Variants in FGF12 observed in about 807,000 individuals in gnomAD.
The protein encoded by FGF12 is fibroblast growth factor 12.
A neutral mutation model predicts 23.6 loss-of-function variants in FGF12; 14 were observed. The ratio of observed to expected loss-of-function variants is 0.59; its 90% CI spans 0.39 to 0.93. FGF12 has a LOEUF of 0.93. Ranked by LOEUF, FGF12 falls within the 40% of genes least tolerant of loss-of-function variation. The probability of loss-of-function intolerance (pLI) is 0.00; values close to 1 mark genes in which losing one functional copy is unlikely to be tolerated. For missense variants in FGF12, 175 were observed against 217.8 expected, an observed-to-expected ratio of 0.80 and a Z score of 1.24; for synonymous variants, 62 against 77.3, an observed-to-expected ratio of 0.80 and a Z score of 1.04.
intron 4 of FGF12, among the ~76,000 whole-genome samples, chr3:192,185,677 T>C (rs908032399): frequency 3.3e-5 from 5 of 151,946 alleles, no homozygotes; most frequent in African/African-American, 9.7e-5. Flanking sequence ...CTGGACAACA[T>C]GGTGAAACCC....
rs145866954 is a variant in FGF12 at position 192,211,115 on chromosome 3, A to G, written c.229-40459T>C. 1.2e-4 allele frequency among the ~76,000 whole-genome samples: 19 copies of G among 152,338 alleles called. No individual in the cohort carries two copies. The East Asian group carries it at 2.5e-3, about 20-fold the overall frequency. ...CCACCACTAAGGAGGATATTACAGT[A>G]TTCCAGAGGAGAAGGACTGAAAGCT... On this transcript the variant is annotated intron_variant, in intron 4 of 5. Transcript: ENST00000445105.
At chr3:192,571,657 G>T (rs868703192) in intron 2 of FGF12, among the ~76,000 whole-genome samples, 49 of 152,206 alleles carry the variant, frequency 3.2e-4, no homozygotes, top group African/African-American at 1.2e-3. Flanking sequence ...CCTGTGTCAA[G>T]GTTGCTCCCC....
intron 2 of FGF12, among the ~76,000 whole-genome samples, chr3:192,674,024 C>T (rs778674031): frequency 1.3e-5 from 2 of 151,004 alleles, no homozygotes; most frequent in Non-Finnish European, 3.0e-5. Flanking sequence ...AAAGTTATTG[C>T]TAAGTGTTTT....
At chr3:192,530,115 T>C (rs1725049497) in intron 2 of FGF12, among the ~76,000 whole-genome samples, 1 of 151,986 alleles carries the variant, frequency 6.6e-6, no homozygotes, top group Non-Finnish European at 1.5e-5. Flanking sequence ...TTCATCCTTC[T>C]CTCTCCATCC....
intron 2 of FGF12, among the ~76,000 whole-genome samples, chr3:192,699,088 A>G (rs1378777928): frequency 6.6e-6 from 1 of 152,142 alleles, no homozygotes; most frequent in Non-Finnish European, 1.5e-5. Flanking sequence ...GTGTTTCCCG[A>G]TAAATCCTTA....
At chr3:192,387,856 C>T (rs991826415) in intron 2 of FGF12, among the ~76,000 whole-genome samples, 1 of 152,036 alleles carries the variant, frequency 6.6e-6, no homozygotes, top group African/African-American at 2.4e-5. Flanking sequence ...CACTGCACTC[C>T]AGCCTGGGTG....
At chr3:192,536,755 G>A (rs1294209777) in intron 2 of FGF12, among the ~76,000 whole-genome samples, 1 of 152,018 alleles carries the variant, frequency 6.6e-6, no homozygotes, top group East Asian at 1.9e-4. Context: ...TCACATCAGG[G>A]TAAATGGGGT....
chr3:192,278,135 T>C (rs1381899387), intron 4 of FGF12, among the ~76,000 whole-genome samples: 1 of 152,218 alleles, frequency 6.6e-6, no homozygotes, highest in African/African-American at 2.4e-5. Context: ...AAATCATCAC[T>C]ATGTTAACAT....
intron 2 of FGF12, among the ~76,000 whole-genome samples, chr3:192,495,838 T>C (rs1431242305): frequency 1.3e-5 from 2 of 152,054 alleles, no homozygotes; most frequent in Non-Finnish European, 2.9e-5. Context: ...CTAATTTATA[T>C]ATATATTTAT....
At chr3:192,271,199 G>A (rs1487634153) in intron 4 of FGF12, among the ~76,000 whole-genome samples, 1 of 152,158 alleles carries the variant, frequency 6.6e-6, no homozygotes, top group South Asian at 2.1e-4. Flanking sequence ...AAACTACAGA[G>A]CCTCCTTCAT....
At chr3:192,607,501 C>T (rs1714382216) in intron 2 of FGF12, among the ~76,000 whole-genome samples, 1 of 152,132 alleles carries the variant, frequency 6.6e-6, no homozygotes, top group African/African-American at 2.4e-5. Flanking sequence ...TTCTTTATTA[C>T]ATGCTGATAG....
At chr3:192,600,607 C>A (rs1044407232) in intron 2 of FGF12, among the ~76,000 whole-genome samples, 3 of 151,892 alleles carry the variant, frequency 2.0e-5, no homozygotes, top group African/African-American at 7.2e-5. Flanking sequence ...CAGCAAAAAA[C>A]AAACAATTCA....
At chr3:192,283,581 T>C (rs998419756) in intron 4 of FGF12, among the ~76,000 whole-genome samples, 4 of 152,114 alleles carry the variant, frequency 2.6e-5, no homozygotes, top group African/African-American at 9.7e-5. Flanking sequence ...CACTCCTGGT[T>C]GGGAGAGAAT....
At chr3:192,412,877 G>A (rs1186079916) in intron 2 of FGF12, among the ~76,000 whole-genome samples, 4 of 152,134 alleles carry the variant, frequency 2.6e-5, no homozygotes, top group Non-Finnish European at 1.5e-5. Context: ...TAACAACCAG[G>A]TATTTAAAGG....
intron 2 of FGF12, among the ~76,000 whole-genome samples, chr3:192,531,590 G>T (rs1211877851): frequency 2.0e-5 from 3 of 151,874 alleles, no homozygotes; most frequent in Non-Finnish European, 4.4e-5. Flanking sequence ...AACACCCACT[G>T]GTCGTCCCTA....
chr3:192,311,527 T>G (rs1464026691), intron 4 of FGF12, among the ~76,000 whole-genome samples: 2 of 152,222 alleles, frequency 1.3e-5, no homozygotes, highest in Non-Finnish European at 2.9e-5. Flanking sequence ...TACCAAACTT[T>G]ATTTATCCAT....
At chr3:192,713,434 G>A (rs1036054670) in intron 2 of FGF12, among the ~76,000 whole-genome samples, 3 of 152,214 alleles carry the variant, frequency 2.0e-5, no homozygotes, top group Admixed American at 1.3e-4. Context: ...TTGTATAACT[G>A]TGACAAAAAT....
chr3:192,644,386 C>T (rs936000198), intron 2 of FGF12, among the ~76,000 whole-genome samples: 13 of 151,990 alleles, frequency 8.6e-5, no homozygotes, highest in Middle Eastern at 3.2e-3. Context: ...AGGCTAAAAC[C>T]CCTGTTGTCG....
At chr3:192,227,241 G>A (rs541318737) in intron 4 of FGF12, among the ~76,000 whole-genome samples, 60 of 152,194 alleles carry the variant, frequency 3.9e-4, no homozygotes, top group Middle Eastern at 3.4e-3. Context: ...ACTGCTATCA[G>A]CAAAATCACT....
Sources: gnomAD v4.1 joint callset for allele counts (sites outside exome capture counted in the v4.1 genomes callset) on GRCh38, gnomAD v4.1.1 for gene constraint, MANE v1.5 for transcripts, NCBI Gene and HGNC (gene_info 2026-07-23, HGNC 2026-07-21) for gene names.